The following ROBO2 variants were observed in gnomAD, a reference collection of about 807,000 sequenced individuals.
ROBO2 encodes the protein roundabout homolog 2.
In ROBO2, 53 loss-of-function variants were observed where a neutral mutation model predicts 160.8. The ratio of observed to expected loss-of-function variants is 0.33; its 90% CI spans 0.26 to 0.41. The LOEUF (loss-of-function observed/expected upper bound fraction) is 0.41. Ranked by LOEUF, ROBO2 falls within the 10% of genes least tolerant of loss-of-function variation. The probability of loss-of-function intolerance (pLI) is 1.00; values close to 1 mark genes in which losing one functional copy is unlikely to be tolerated. For synonymous variants in ROBO2, 664 were observed against 611.7 expected (o/e 1.09, Z -1.26); for missense variants, 1,577 against 1,722.4 (o/e 0.92, Z 1.49).
chr3:77,629,192 A>G (rs539172079), intron 23 of ROBO2: 3 of 152,238 alleles, frequency 2.0e-5, no homozygotes, highest in East Asian at 1.9e-4. Flanking sequence ...AGAACTGTCA[A>G]GTTACCACAG....
At chr3:77,311,011 T>C (rs1381555580) in intron 2 of ROBO2, among the ~76,000 whole-genome samples, 1 of 152,172 alleles carries the variant, frequency 6.6e-6, no homozygotes, top group Non-Finnish European at 1.5e-5. Flanking sequence ...TAATCCACTA[T>C]ACATTTTATT....
At position 77,251,319 on chromosome 3, in the gene ROBO2, C is replaced by CCA. The variant is rs2153300380; in HGVS notation, c.388+152987_388+152988dup. Reference sequence around the variant, plus strand: ...GTATCTTCTAGAGCCATGGGTCAAGCCACACACACCTGGACTCGCTTGAAT... The same window carrying CCA: ...GTATCTTCTAGAGCCATGGGTCAAGCCACACACACACCTGGACTCGCTTGAAT... On this transcript the variant is annotated intron_variant, in intron 2 of 25. Coordinates refer to ENST00000461745, the Ensembl canonical transcript of ROBO2. Among the ~76,000 whole-genome samples the CCA allele has an allele frequency of 1.3e-5, 2 of 152,144 alleles. 1 individual carries two copies. The highest frequency in any genetic ancestry group is 4.8e-5 in the African/African-American group (2 of 41,504).
chr3:76,298,601 C>T (rs111459445), intron 2 of ROBO2, among the ~76,000 whole-genome samples: 13 of 152,210 alleles, frequency 8.5e-5, no homozygotes, highest in African/African-American at 2.6e-4. Flanking sequence ...TAATATTCTC[C>T]GAGTGCAGGC....
At chr3:77,016,704 GT>G (rs1241823305) in intron 2 of ROBO2, among the ~76,000 whole-genome samples, 1 of 152,180 alleles carries the variant, frequency 6.6e-6, no homozygotes, top group African/African-American at 2.4e-5. Flanking sequence ...GGAACCTGCA[GT>G]TCACAGAAGA....
At chr3:77,084,492 T>A (rs2069054941) in intron 1 of ROBO2, among the ~76,000 whole-genome samples, 2 of 152,164 alleles carry the variant, frequency 1.3e-5, no homozygotes, top group Admixed American at 6.6e-5. Context: ...TTTTTATACC[T>A]CTGCCTGCCA....
intron 2 of ROBO2, among the ~76,000 whole-genome samples, chr3:76,227,903 C>G (rs1704388428): frequency 6.6e-6 from 1 of 152,090 alleles, no homozygotes; most frequent in African/African-American, 2.4e-5. Flanking sequence ...TCTACAAACC[C>G]AAGCCTAACT....
rs1049366892 is a variant in ROBO2 at position 76,932,063 on chromosome 3, A to G, written c.110-165951A>G. 2.0e-5 allele frequency among the ~76,000 whole-genome samples: 3 copies of G among 152,330 alleles called. No homozygotes were observed. The East Asian group carries it at 5.8e-4, about 29-fold the overall frequency. On this transcript the variant is annotated intron_variant, in intron 2 of 26. Coordinates refer to the ROBO2 transcript ENST00000487694. ...ACTTTAAGATAGTTTAAATGGCTGT[A>G]ATGATTCTAAATATCAAGTCATTTT...
At chr3:76,116,016 G>T (rs2070454810) in intron 2 of ROBO2, among the ~76,000 whole-genome samples, 1 of 152,216 alleles carries the variant, frequency 6.6e-6, no homozygotes. Flanking sequence ...CTATTAACTG[G>T]TTTTAACCAA....
intron 2 of ROBO2, among the ~76,000 whole-genome samples, chr3:77,402,345 G>A (rs182915781): frequency 6.6e-5 from 10 of 152,196 alleles, no homozygotes; most frequent in Non-Finnish European, 1.3e-4. Context: ...GTGATAGGTT[G>A]ATGGGTGCAA....
intron 2 of ROBO2, among the ~76,000 whole-genome samples, chr3:76,156,092 T>G (rs1297282112): frequency 6.6e-6 from 1 of 152,128 alleles, no homozygotes; most frequent in Admixed American, 6.6e-5. Flanking sequence ...ATTTTTTTTT[T>G]GCCTGCCTTG....
chr3:76,256,058 A>G (rs1706340967), intron 2 of ROBO2, among the ~76,000 whole-genome samples: 1 of 151,554 alleles, frequency 6.6e-6, no homozygotes, highest in African/African-American at 2.4e-5. Flanking sequence ...CAGCACTTTG[A>G]GGGATGAAGG....
At chr3:77,525,904 A>G (rs1630326) in intron 6 of ROBO2, among the ~76,000 whole-genome samples, 33,530 of 151,090 alleles carry the variant, frequency 0.22, 4,145 homozygotes, top group Non-Finnish European at 0.29. Context: ...TTCAAAGATG[A>G]AAAACAAAGT....
intron 2 of ROBO2, among the ~76,000 whole-genome samples, chr3:76,479,208 C>A (rs964808367): frequency 6.6e-6 from 1 of 152,142 alleles, no homozygotes; most frequent in Admixed American, 6.6e-5. Flanking sequence ...TAATGGTATT[C>A]ATGAAGCTTG....
intron 2 of ROBO2, among the ~76,000 whole-genome samples, chr3:77,280,841 C>T (rs2060194812): frequency 6.6e-6 from 1 of 152,192 alleles, no homozygotes; most frequent in African/African-American, 2.4e-5. Flanking sequence ...GCCCTAGACA[C>T]TCATGTGGAC....
At chr3:76,557,012 T>C (rs1008636029) in intron 2 of ROBO2, among the ~76,000 whole-genome samples, 5 of 152,128 alleles carry the variant, frequency 3.3e-5, no homozygotes, top group African/African-American at 1.2e-4. Context: ...ATTTAGCTTA[T>C]TTACAATTAC....
exon 7 of ROBO2, chr3:77,546,408 T>C: frequency 1.9e-6 from 3 of 1,613,348 alleles, no homozygotes; most frequent in Admixed American, 1.7e-5. Flanking sequence ...CATTTCCCTG[T>C]GAAACTAAAG....
At chr3:76,831,836 T>C (rs751834399) in intron 2 of ROBO2, among the ~76,000 whole-genome samples, 2 of 152,178 alleles carry the variant, frequency 1.3e-5, no homozygotes, top group Non-Finnish European at 2.9e-5. Context: ...TACAATTAGT[T>C]GAACTTTGTG....
intron 2 of ROBO2, among the ~76,000 whole-genome samples, chr3:77,395,291 T>G (rs866425691): frequency 1.3e-5 from 2 of 152,158 alleles, no homozygotes; most frequent in Non-Finnish European, 2.9e-5. Context: ...AAAATAATGT[T>G]GAATAACTGC....
intron 2 of ROBO2, among the ~76,000 whole-genome samples, chr3:77,277,540 G>C (rs892445088): frequency 6.6e-6 from 1 of 152,076 alleles, no homozygotes; most frequent in African/African-American, 2.4e-5. Flanking sequence ...ACTTATAAGT[G>C]AGAACGTGTA....
Sources: allele counts gnomAD v4.1 joint callset (sites outside exome capture counted in the v4.1 genomes callset), GRCh38; gene constraint gnomAD v4.1.1; transcripts MANE v1.5; gene names NCBI Gene and HGNC (gene_info 2026-07-23, HGNC 2026-07-21).